PTPRD: variants seen among roughly 807,000 people sequenced by gnomAD.
PTPRD encodes protein tyrosine phosphatase receptor type D, also known as receptor-type tyrosine-protein phosphatase delta.
PTPRD carries 34 observed loss-of-function variants against 214.5 expected under a neutral mutation model. The observed-to-expected ratio is 0.16, with a 90% CI of 0.12 to 0.21. PTPRD has a LOEUF of 0.21. PTPRD is among the 10% of genes least tolerant of loss of function. PTPRD has a pLI of 1.00. For synonymous variants in PTPRD, 1,128 were observed against 845.7 expected (o/e 1.33, Z -5.79); for missense variants, 2,545 against 2,398.7 (o/e 1.06, Z -1.27).
chr9:9,614,728 T>C (rs1413488407), intron 7 of PTPRD, among the ~76,000 whole-genome samples: 1 of 152,202 alleles, frequency 6.6e-6, no homozygotes, highest in Non-Finnish European at 1.5e-5. Flanking sequence ...TAAAGTAACC[T>C]TATACCTATA....
chr9:8,829,730 A>G (rs1374645359), intron 11 of PTPRD, among the ~76,000 whole-genome samples: 8 of 152,182 alleles, frequency 5.3e-5, no homozygotes, highest in African/African-American at 1.7e-4. Context: ...ACAGCACAGA[A>G]CAATGAAACA....
At chr9:8,746,254 C>T (rs1217809062) in intron 11 of PTPRD, among the ~76,000 whole-genome samples, 1 of 152,086 alleles carries the variant, frequency 6.6e-6, no homozygotes, top group Non-Finnish European at 1.5e-5. Flanking sequence ...TACGAAGTTG[C>T]TGAGGGCAAC....
intron 3 of PTPRD, among the ~76,000 whole-genome samples, chr9:10,175,414 A>G (rs1470088985): frequency 6.6e-6 from 1 of 152,058 alleles, no homozygotes; most frequent in African/African-American, 2.4e-5. Context: ...ATTTATCTAA[A>G]TTTAAAAACA....
chr9:8,777,609 T>G (rs112796674), intron 11 of PTPRD, among the ~76,000 whole-genome samples: 1 of 152,214 alleles, frequency 6.6e-6, no homozygotes, highest in Admixed American at 6.5e-5. Context: ...GAGTGAGTCA[T>G]ACATTAATTT....
At chr9:9,323,508 T>G (rs1967808994) in intron 9 of PTPRD, among the ~76,000 whole-genome samples, 1 of 152,152 alleles carries the variant, frequency 6.6e-6, no homozygotes, top group Non-Finnish European at 1.5e-5. Flanking sequence ...TGCTTCCATT[T>G]TTAATAGTCT....
At chr9:8,800,496 G>C (rs1566161934) in intron 11 of PTPRD, among the ~76,000 whole-genome samples, 3 of 152,110 alleles carry the variant, frequency 2.0e-5, no homozygotes, top group Admixed American at 2.0e-4. Flanking sequence ...CCAAAACCAA[G>C]ATGGCCACAA....
intron 5 of PTPRD, among the ~76,000 whole-genome samples, chr9:9,876,512 A>G (rs745880768): frequency 9.9e-5 from 15 of 152,200 alleles, no homozygotes; most frequent in African/African-American, 3.1e-4. Context: ...AACAACTAAC[A>G]AAGCACACAT....
At chr9:8,874,112 T>A (rs1298934763) in intron 11 of PTPRD, among the ~76,000 whole-genome samples, 3 of 152,154 alleles carry the variant, frequency 2.0e-5, no homozygotes, top group Non-Finnish European at 4.4e-5. Context: ...TTCTACATTG[T>A]CCCTATATGT....
At chr9:9,047,638 A>C (rs1393044792) in intron 10 of PTPRD, among the ~76,000 whole-genome samples, 3 of 152,150 alleles carry the variant, frequency 2.0e-5, no homozygotes, top group African/African-American at 7.2e-5. Flanking sequence ...CCAAGAACAT[A>C]TACTGGGGAA....
At chr9:8,654,306 C>T (rs570111933) in intron 12 of PTPRD, among the ~76,000 whole-genome samples, 12 of 152,278 alleles carry the variant, frequency 7.9e-5, no homozygotes, top group African/African-American at 2.4e-4. Context: ...GCACATTTCA[C>T]CTAGCTTATA....
chr9:10,344,297 A>T (rs572997672), intron 2 of PTPRD, among the ~76,000 whole-genome samples: 2 of 152,004 alleles, frequency 1.3e-5, no homozygotes, highest in African/African-American at 4.8e-5. Flanking sequence ...TCCTTTCTCC[A>T]TTTCTTGTTT....
At chr9:9,688,677 A>G (rs1196278676) in intron 7 of PTPRD, among the ~76,000 whole-genome samples, 3 of 152,036 alleles carry the variant, frequency 2.0e-5, no homozygotes, top group Non-Finnish European at 2.9e-5. Context: ...CTAGTCCATT[A>G]TCTTGTATAC....
Position 9,488,413 on chromosome 9 carries a change from T to C in PTPRD, c.-237+86319A>G, listed in dbSNP as rs77935773. On this transcript the variant is annotated intron_variant, in intron 8 of 45. Transcript: ENST00000381196. ...AGTATACGCCAAGACCTGCTGCCTC[T>C]ACCTTGGCTCTCCCACTCAGTTGTA... Among the ~76,000 whole-genome samples, 957 of 152,278 alleles carry C rather than the reference T, an allele frequency of 6.3e-3. 8 individuals are homozygous for C. Among genetic ancestry groups the C allele is most frequent in the Non-Finnish European group, 0.011 (729 of 68,024 alleles).
chr9:8,696,096 G>A (rs1257505444), intron 12 of PTPRD, among the ~76,000 whole-genome samples: 1 of 152,188 alleles, frequency 6.6e-6, no homozygotes, highest in Non-Finnish European at 1.5e-5. Context: ...GATCAGCAGA[G>A]ACATCTTCAG....
At chr9:9,947,432 T>TAC (rs2092806355) in intron 4 of PTPRD, among the ~76,000 whole-genome samples, 1 of 31,472 alleles carries the variant, frequency 3.2e-5, no homozygotes, top group African/African-American at 3.1e-4. Flanking sequence ...ATATTATATA[T>TAC]ATATTATATA....
chr9:9,392,267 C>T (rs1034192470), intron 9 of PTPRD, among the ~76,000 whole-genome samples: 1 of 152,138 alleles, frequency 6.6e-6, no homozygotes, highest in Admixed American at 6.6e-5. Context: ...GTAGTTAAGT[C>T]ATCCTGACAG....
intron 3 of PTPRD, among the ~76,000 whole-genome samples, chr9:10,044,925 G>A (rs1014651789): frequency 2.0e-5 from 3 of 151,646 alleles, no homozygotes; most frequent in Non-Finnish European, 4.4e-5. Flanking sequence ...CAGTTTATGA[G>A]TCATTTCAAT....
intron 8 of PTPRD, among the ~76,000 whole-genome samples, chr9:9,557,100 G>A (rs149314014): frequency 6.6e-6 from 1 of 152,120 alleles, no homozygotes; most frequent in Non-Finnish European, 1.5e-5. Context: ...TCAGCAAATT[G>A]TCTGGGTTTC....
chr9:8,743,226 A>T (rs1437948535), intron 11 of PTPRD, among the ~76,000 whole-genome samples: 1 of 152,122 alleles, frequency 6.6e-6, no homozygotes, highest in East Asian at 1.9e-4. Flanking sequence ...GCATGGGAAT[A>T]TGGATGACAC....
Sources: allele counts gnomAD v4.1 joint callset (sites outside exome capture counted in the v4.1 genomes callset), GRCh38; gene constraint gnomAD v4.1.1; transcripts MANE v1.5; gene names NCBI Gene and HGNC (gene_info 2026-07-23, HGNC 2026-07-21).